GRAMD4: variants seen among roughly 807,000 people sequenced by gnomAD.
GRAMD4 encodes GRAM domain containing 4, also known as GRAM domain-containing protein 4.
A neutral mutation model predicts 83.9 loss-of-function variants in GRAMD4; 25 were observed. That is an observed-to-expected ratio of 0.30 (90% CI 0.22 to 0.42). The LOEUF is 0.42. Among genes scored for constraint, GRAMD4 ranks in the 10% least tolerant of loss-of-function variants. The pLI is 1.00. For missense variants in GRAMD4, 593 were observed against 788.7 expected, an observed-to-expected ratio of 0.75 and a Z score of 2.97; for synonymous variants, 336 against 320.9, an observed-to-expected ratio of 1.05 and a Z score of -0.50.
At chr22:46,652,666 A>C (rs1380769203) in intron 3 of GRAMD4, among the ~76,000 whole-genome samples, 3 of 152,162 alleles carry the variant, frequency 2.0e-5, no homozygotes, top group Non-Finnish European at 4.4e-5. Context: ...CTCGGGGCAC[A>C]AGGAGGCCCA....
At position 46,637,348 on chromosome 22, in the gene GRAMD4, G is replaced by A. The variant is rs530545294; in HGVS notation, c.163-492G>A. On this transcript the variant is annotated intron_variant, in intron 2 of 18. Coordinates refer to ENST00000406902, the MANE Select transcript of GRAMD4 (RefSeq NM_015124.5). ...GCTCACTGCAAGCTCCGCCTCCTGG[G>A]TTCATGCCATTCTCCTGCCTCAGCC... is the stretch of plus-strand genomic sequence containing the variant. Among the ~76,000 whole-genome samples the A allele has an allele frequency of 2.6e-5, 4 of 152,118 alleles. No homozygotes were observed. In the South Asian group the frequency reaches 6.2e-4, roughly 24 times the overall value.
Position 46,637,932 on chromosome 22 carries a change from A to G in GRAMD4, c.255A>G (p.Glu85=), listed in dbSNP as rs1175018283. 8 of 1,613,916 alleles carry G rather than the reference A, an allele frequency of 5.0e-6. No individual in the cohort carries two copies. The Admixed American group carries it at 5.0e-5, about 10-fold the overall frequency. ...TGAATGAGATCAAAGGTCACCTGGA[A>G]ATTGCCTTATTGGAAAAACATTTCT... ...DRLNEIKGHL[E]IALLEKHFLQ... is the part of the protein sequence containing the mutation. Residue 85 remains glutamate (E), a synonymous_variant, in exon 3 of 19, where the codon GAA becomes GAG. Coordinates refer to ENST00000406902, the MANE Select transcript of GRAMD4 (RefSeq NM_015124.5).
At chr22:46,585,887 G>A (rs1057217247) in intron 1 of GRAMD4, among the ~76,000 whole-genome samples, 4 of 152,182 alleles carry the variant, frequency 2.6e-5, no homozygotes, top group Admixed American at 2.6e-4. Flanking sequence ...TCTGTGCAAG[G>A]CTCCTGGAGA....
At chr22:46,583,971 C>T (rs1465300613) in intron 1 of GRAMD4, among the ~76,000 whole-genome samples, 2 of 152,200 alleles carry the variant, frequency 1.3e-5, no homozygotes, top group Non-Finnish European at 2.9e-5. Context: ...TGTCTCTTCT[C>T]CCCATTTATC....
At chr22:46,682,346 AAAG>A (rs1352174260), downstream of GRAMD4, 1 of 762,182 alleles carries the variant, frequency 1.3e-6, no homozygotes, top group South Asian at 6.0e-5. Context: ...GCACGATTGT[AAAG>A]AAGACATTCA....
chr22:46,673,545 G>A (rs2082546185), intron 14 of GRAMD4, 125 bp from the exon 15 acceptor site: 2 of 1,199,112 alleles, frequency 1.7e-6, no homozygotes, highest in Non-Finnish European at 1.2e-6. Flanking sequence ...GGGCCGGAAG[G>A]GACCTCGGGA....
At position 46,677,590 on chromosome 22, in the gene GRAMD4, C is replaced by A; in HGVS notation, c.*339C>A. On this transcript the variant is annotated 3_prime_UTR_variant, in exon 19 of 19. Transcript: ENST00000406902. ...CTCCGTTCCAGCCTGGACAGAGAAA[C>A]CTCTCCAGCCACCCCAAGAGGTTCT... The A allele has an allele frequency of 1.9e-6, 2 of 1,053,256 alleles. No homozygotes were observed. The highest frequency in any genetic ancestry group is 2.3e-6 in the Non-Finnish European group (2 of 871,822). 65.2% of individuals were successfully genotyped at this position (1,053,256 alleles called of 1,614,324 possible).
In GRAMD4 at chr22:46,659,995, G is replaced by C. The variant is rs1427779135; in HGVS notation, c.405-1386G>C. Reference sequence around the variant, plus strand: ...TTGGCCACAGTGCCATCCCCGCCACGGGACGCTGCTTCTCCCCCGGTGGCT... The same window carrying C: ...TTGGCCACAGTGCCATCCCCGCCACCGGACGCTGCTTCTCCCCCGGTGGCT... On this transcript the variant is annotated intron_variant, in intron 4 of 18. Transcript: ENST00000406902. This position sits in a 1 kb window ranked among gnomAD's most constrained non-coding sequence, Gnocchi z 4.1. Among the ~76,000 whole-genome samples the C allele has an allele frequency of 6.6e-6, 1 of 152,192 alleles. No individual in the cohort carries two copies. Among genetic ancestry groups the C allele is most frequent in the Non-Finnish European group, 1.5e-5 (1 of 68,032 alleles).
intron 1 of GRAMD4, among the ~76,000 whole-genome samples, chr22:46,600,281 C>T (rs917301580): frequency 6.6e-6 from 1 of 152,138 alleles, no homozygotes; most frequent in Non-Finnish European, 1.5e-5. Context: ...TCAGAGAGAG[C>T]GTGCAAAATG....
Position 46,626,971 on chromosome 22 carries a change from T to A in GRAMD4, c.162+10T>A. 1.2e-6 allele frequency: 2 copies of A among 1,600,028 alleles called. No homozygotes were observed. Among genetic ancestry groups the A allele is most frequent in the Non-Finnish European group, 1.7e-6 (2 of 1,167,590 alleles). On this transcript the variant is annotated intron_variant, in intron 2 of 18. Coordinates refer to ENST00000406902, the MANE Select transcript of GRAMD4 (RefSeq NM_015124.5). ...GGAGCTGAGGGACCCTGTGAGTACC[T>A]GTCCTCGTCCCCCGGTGTGGGCTGG...
At chr22:46,595,282 G>C (rs900635086) in intron 1 of GRAMD4, among the ~76,000 whole-genome samples, 2 of 152,194 alleles carry the variant, frequency 1.3e-5, no homozygotes, top group East Asian at 1.9e-4. Flanking sequence ...GAACAATCCA[G>C]ACGGGGACAT....
chr22:46,619,715 G>GT (rs1160816781), upstream of GRAMD4, among the ~76,000 whole-genome samples: 1 of 152,162 alleles, frequency 6.6e-6, no homozygotes, highest in Non-Finnish European at 1.5e-5. Context: ...AGCTGCCCAG[G>GT]TTGGCTGTCC....
intron 2 of GRAMD4, among the ~76,000 whole-genome samples, chr22:46,633,434 C>G (rs2081807424): frequency 6.6e-6 from 1 of 152,248 alleles, no homozygotes; most frequent in African/African-American, 2.4e-5. Flanking sequence ...TGCCCGTCCT[C>G]TCTTTGTCCC....
At chr22:46,588,257 C>G (rs2081170910) in intron 1 of GRAMD4, among the ~76,000 whole-genome samples, 1 of 151,900 alleles carries the variant, frequency 6.6e-6, no homozygotes, top group African/African-American at 2.4e-5. Flanking sequence ...CCCAGCGTCC[C>G]CCACAACCCG....
At chr22:46,609,784 G>A (rs2081399819) in intron 1 of GRAMD4, among the ~76,000 whole-genome samples, 1 of 152,360 alleles carries the variant, frequency 6.6e-6, no homozygotes, top group South Asian at 2.1e-4. Context: ...CCAGGCAGGA[G>A]GCGGTGCTTA....
intron 2 of GRAMD4, 37 bp downstream of exon 2, chr22:46,626,998 G>T (rs770425447): frequency 1.3e-6 from 2 of 1,488,266 alleles, no homozygotes; most frequent in African/African-American, 1.4e-5. Flanking sequence ...GTGGGCTGGG[G>T]TGTCGTCCCC....
At chr22:46,600,702 C>T (rs999933626) in intron 1 of GRAMD4, among the ~76,000 whole-genome samples, 10 of 152,040 alleles carry the variant, frequency 6.6e-5, no homozygotes, top group Middle Eastern at 3.2e-3. Context: ...AGGACACTGG[C>T]GAGTCTTTGT....
intron 3 of GRAMD4, among the ~76,000 whole-genome samples, chr22:46,651,848 G>T (rs184534467): frequency 2.6e-5 from 4 of 151,060 alleles, no homozygotes; most frequent in Admixed American, 6.6e-5. Flanking sequence ...AGCTGGAGGT[G>T]GGGGGGAGAG....
At chr22:46,647,463 G>GGCCTGTCCTGTCCCTGTTCCCT (rs1201807128) in intron 3 of GRAMD4, among the ~76,000 whole-genome samples, 1 of 152,166 alleles carries the variant, frequency 6.6e-6, no homozygotes, top group Non-Finnish European at 1.5e-5. Context: ...TCCTGTCCCT[G>GGCCTGTCCTGTCCCTGTTCCCT]GAGCTCACAC....
Sources: gnomAD v4.1 joint callset for allele counts (sites outside exome capture counted in the v4.1 genomes callset) on GRCh38, gnomAD v4.1.1 for gene constraint, Gnocchi (gnomAD v3.1) non-coding constraint, MANE v1.5 for transcripts, NCBI Gene and HGNC (gene_info 2026-07-23, HGNC 2026-07-21) for gene names.